The following DNAJA4 variants were observed in gnomAD, a reference collection of about 807,000 sequenced individuals.
DNAJA4 encodes the protein dnaJ homolog subfamily A member 4.
DNAJA4 carries 32 observed loss-of-function variants against 39.7 expected under a neutral mutation model. The observed-to-expected ratio is 0.81, with a 90% CI of 0.61 to 1.08. The LOEUF is 1.08. Among genes scored for constraint, DNAJA4 ranks in the 50% least tolerant of loss-of-function variants. The probability of loss-of-function intolerance (pLI) is 0.00; values close to 1 mark genes in which losing one functional copy is unlikely to be tolerated. For missense variants in DNAJA4, 439 were observed against 505.1 expected, an observed-to-expected ratio of 0.87 and a Z score of 1.25; for synonymous variants, 184 against 182.4, an observed-to-expected ratio of 1.01 and a Z score of -0.07.
chr15:78,265,567 C>G, intron 1 of DNAJA4: 1 of 702,320 alleles, frequency 1.4e-6, no homozygotes, highest in Non-Finnish European at 2.6e-6. Flanking sequence ...TCATAAGTAC[C>G]AATCATAGAC....
upstream of DNAJA4, chr15:78,264,220 G>C (rs574167280): frequency 6.6e-6 from 6 of 915,128 alleles, no homozygotes; most frequent in African/African-American, 1.7e-5. Flanking sequence ...CCGGCTCCAC[G>C]GACCCACGGA....
At chr15:78,275,776 A>G in intron 5 of DNAJA4, 48 bp downstream of exon 5, 1 of 1,390,478 alleles carries the variant, frequency 7.2e-7, no homozygotes, top group South Asian at 1.3e-5. Context: ...TGTTTGGCAT[A>G]ATAATTCTGG....
intron 1 of DNAJA4, chr15:78,266,333 TGCTTTTGTTCTGAA>T: frequency 6.3e-7 from 1 of 1,577,658 alleles, no homozygotes; most frequent in South Asian, 1.1e-5. Context: ...GAGCTGAATA[TGCTTTTGTTCTGAA>T]GCTTTTATTT....
rs1397105257 is a variant in DNAJA4 at position 78,279,929 on chromosome 15, T to G, written c.878-116T>G. 4 of 903,042 alleles carry G rather than the reference T, an allele frequency of 4.4e-6. No individual in the cohort carries two copies. Among genetic ancestry groups the G allele is most frequent in the Non-Finnish European group, 6.9e-6 (4 of 583,220 alleles). 55.9% of individuals were successfully genotyped at this position (903,042 alleles called of 1,614,324 possible). On this transcript the variant is annotated intron_variant, in intron 5 of 6. Coordinates refer to ENST00000394852, the MANE Select transcript of DNAJA4 (RefSeq NM_001130182.2). This position sits in a 1 kb window ranked among gnomAD's most constrained non-coding sequence, Gnocchi z 4.5. ...CCAGCTTTCCAGTCAGATGCCACGT[T>G]TCCTTTGCCCACTGCCACGGGGCAC...
At chr15:78,275,970 C>G (rs2049445816) in intron 5 of DNAJA4, among the ~76,000 whole-genome samples, 1 of 152,148 alleles carries the variant, frequency 6.6e-6, no homozygotes, top group South Asian at 2.1e-4. Flanking sequence ...AGGTCAAATT[C>G]TGTTACACAA....
intron 5 of DNAJA4, chr15:78,278,308 G>C (rs779372893): frequency 2.2e-6 from 1 of 455,660 alleles, no homozygotes; most frequent in South Asian, 1.5e-5. Context: ...ACACCTGATA[G>C]GAATGGGGAG....
rs561663651 is a variant in DNAJA4 at position 78,272,087 on chromosome 15, G to C, written c.314-1008G>C. On this transcript the variant is annotated intron_variant, in intron 2 of 6. Transcript: ENST00000394852. ...ATGGTGTGGACATGATAAAACCTTGGGTACTTTGGGAGGCCGAGGTGGGTG... is the reference window on the plus strand; with the variant it reads ...ATGGTGTGGACATGATAAAACCTTGCGTACTTTGGGAGGCCGAGGTGGGTG... 2.0e-5 allele frequency among the ~76,000 whole-genome samples: 3 copies of C among 152,216 alleles called. No homozygotes were observed. The South Asian group carries it at 6.2e-4, about 32-fold the overall frequency.
chr15:78,264,613 G>T lies in DNAJA4; in HGVS notation c.-151G>T. ...CGGTCCGGCGCGGGGCGGGGGGCGG[G>T]CGGGAGCTACAAGCGGCGGCGGCGG... On this transcript the variant is annotated 5_prime_UTR_variant, in exon 1 of 7. Transcript: ENST00000394852. 9.0e-7 allele frequency: 1 copy of T among 1,107,588 alleles called. No individual in the cohort carries two copies. The highest frequency in any genetic ancestry group is 1.7e-5 in the African/African-American group (1 of 59,490). The allele number at this position is 1,107,588 out of a possible 1,614,324, so 68.6% of individuals were successfully genotyped here.
rs1428273150 is a variant in DNAJA4 at position 78,264,642 on chromosome 15, C to CGGCGACCGT, written c.-121_-120insGCGACCGTG. The CGGCGACCGT allele has an allele frequency of 1.5e-3, 1,492 of 1,016,240 alleles. 3 individuals are homozygous for CGGCGACCGT. Among genetic ancestry groups the CGGCGACCGT allele is most frequent in the Middle Eastern group, 0.013 (27 of 2,082 alleles). 63.0% of individuals were successfully genotyped at this position (1,016,240 alleles called of 1,614,324 possible). A position where few individuals can be genotyped will look rare whatever the true frequency, so the allele number is the denominator to read the frequency against. ...GAGCTACAAGCGGCGGCGGCGGCGG[C>CGGCGACCGT]GACCGTGACCGTGACGCGCGAGCGG... On this transcript the variant is annotated 5_prime_UTR_variant, in exon 1 of 7. Transcript: ENST00000394852.
At chr15:78,274,133 G>T in intron 3 of DNAJA4, 64 bp from the exon 4 acceptor site, 1 of 1,503,928 alleles carries the variant, frequency 6.6e-7, no homozygotes, top group East Asian at 2.3e-5. Flanking sequence ...CTGCCATGGC[G>T]CCCAGCAGGG....
intron 1 of DNAJA4, among the ~76,000 whole-genome samples, chr15:78,269,439 A>G (rs2049233402): frequency 6.6e-6 from 1 of 152,242 alleles, no homozygotes; most frequent in Non-Finnish European, 1.5e-5. Context: ...TGATACAATG[A>G]ACACCTATGT....
Position 78,274,455 on chromosome 15 carries a change from G to A in DNAJA4, c.646+31G>A, listed in dbSNP as rs1011148965. 13 of 1,598,640 alleles carry A rather than the reference G, an allele frequency of 8.1e-6. No homozygotes were observed. In the East Asian group the frequency reaches 1.1e-4, roughly 14 times the overall value. ...GCTGCGCAGAGCTGGTGCTCCACAC[G>A]GGCTGGAAATGCTGTCTGGGTGCTA... On this transcript the variant is annotated intron_variant, in intron 4 of 6. Coordinates refer to ENST00000394852, the MANE Select transcript of DNAJA4 (RefSeq NM_001130182.2).
intron 1 of DNAJA4, chr15:78,265,495 G>A: frequency 2.8e-6 from 2 of 702,328 alleles, no homozygotes; most frequent in East Asian, 2.7e-5. Flanking sequence ...ACGGACATCT[G>A]CAACCTGACA....
intron 2 of DNAJA4, among the ~76,000 whole-genome samples, chr15:78,271,213 G>A (rs541063489): frequency 6.6e-6 from 1 of 152,330 alleles, no homozygotes; most frequent in South Asian, 2.1e-4. Flanking sequence ...ATGAAGTAGC[G>A]AATGGAGTGG....
At position 78,274,219 on chromosome 15, in the gene DNAJA4, G is replaced by C; in HGVS notation, c.441G>C (p.Ser147=). Residue 147 remains serine (S), a synonymous_variant, in exon 4 of 7, where the codon TCG becomes TCC. Transcript: ENST00000394852. The part of the protein sequence containing the change: ...KCEGVGGKKG[S]VEKCPLCKGR... Reference sequence around the variant, plus strand: ...CAGGTGTTGGTGGGAAGAAGGGATCGGTGGAGAAGTGCCCGCTGTGCAAGG... The same window carrying C: ...CAGGTGTTGGTGGGAAGAAGGGATCCGTGGAGAAGTGCCCGCTGTGCAAGG... The C allele has an allele frequency of 6.2e-7, 1 of 1,614,066 alleles. No homozygotes were observed. The highest frequency in any genetic ancestry group is 8.5e-7 in the Non-Finnish European group (1 of 1,179,966).
Position 78,281,720 on chromosome 15 carries a change from C to G in DNAJA4, c.*1260C>G, listed in dbSNP as rs1400714051. 1.3e-5 allele frequency: 2 copies of G among 152,226 alleles called. No homozygotes were observed. The highest frequency in any genetic ancestry group is 1.5e-5 in the Non-Finnish European group (1 of 68,046). The allele number at this position is 152,226 out of a possible 1,614,324, so 9.4% of individuals were successfully genotyped here. A position where few individuals can be genotyped will look rare whatever the true frequency, so the allele number is the denominator to read the frequency against. ...AGCTGCTGGGTTAAAGCAGAGGCCA[C>G]CTGTCAGATCTACCCTACCCTTATT... is the stretch of plus-strand genomic sequence containing the variant. On this transcript the variant is annotated 3_prime_UTR_variant, in exon 7 of 7. Coordinates refer to ENST00000394852, the MANE Select transcript of DNAJA4 (RefSeq NM_001130182.2).
intron 1 of DNAJA4, chr15:78,265,419 A>G: frequency 1.4e-6 from 1 of 698,440 alleles, no homozygotes; most frequent in Non-Finnish European, 2.6e-6. Context: ...TGTTCTGTGC[A>G]CCTACTGCCT....
chr15:78,280,627 T>C lies in DNAJA4; in HGVS notation c.*167T>C, dbSNP rs1219237109. The C allele has an allele frequency of 3.4e-6, 2 of 588,142 alleles. No individual in the cohort carries two copies. Among genetic ancestry groups the C allele is most frequent in the Non-Finnish European group, 5.9e-6 (2 of 338,236 alleles). The allele number at this position is 588,142 out of a possible 1,614,324, so 36.4% of individuals were successfully genotyped here. A position where few individuals can be genotyped will look rare whatever the true frequency, so the allele number is the denominator to read the frequency against. ...TTTGGCTTTTCTTTTGGTTGTAACT[T>C]AAGTTATAGCTTAATTTATATTTAA... On this transcript the variant is annotated 3_prime_UTR_variant, in exon 7 of 7. Transcript: ENST00000394852.
chr15:78,279,891 C>T lies in DNAJA4; in HGVS notation c.878-154C>T. ...CCCCAGGCAGTACCTGACAAGGATA[C>T]CTGGGATTGGGGCCAGCTTTCCAGT... On this transcript the variant is annotated intron_variant, in intron 5 of 6. Coordinates refer to ENST00000394852, the MANE Select transcript of DNAJA4 (RefSeq NM_001130182.2). This position sits in a 1 kb window ranked among gnomAD's most constrained non-coding sequence, Gnocchi z 4.5. 2 of 657,512 alleles carry T rather than the reference C, an allele frequency of 3.0e-6. No homozygotes were observed. The highest frequency in any genetic ancestry group is 5.2e-6 in the Non-Finnish European group (2 of 381,486). The allele number at this position is 657,512 out of a possible 1,614,324, so 40.7% of individuals were successfully genotyped here.
Sources: gnomAD v4.1 joint callset for allele counts (sites outside exome capture counted in the v4.1 genomes callset) on GRCh38, gnomAD v4.1.1 for gene constraint, Gnocchi (gnomAD v3.1) non-coding constraint, MANE v1.5 for transcripts, NCBI Gene and HGNC (gene_info 2026-07-23, HGNC 2026-07-21) for gene names.